Variants in IARS2 observed in about 807,000 individuals in gnomAD.
The protein encoded by IARS2 is isoleucyl-tRNA synthetase 2, mitochondrial, also known as isoleucine--tRNA ligase, mitochondrial.
IARS2 carries 56 observed loss-of-function variants against 126.3 expected under a neutral mutation model. That is an observed-to-expected ratio of 0.44 (90% confidence interval 0.36 to 0.55). The LOEUF (loss-of-function observed/expected upper bound fraction) is 0.55. Ranked by LOEUF, IARS2 falls within the 20% of genes least tolerant of loss-of-function variation. The pLI, the probability that IARS2 is intolerant of heterozygous loss-of-function variation, is 0.00. For synonymous variants in IARS2, 407 were observed against 441.1 expected, an observed-to-expected ratio of 0.92 and a Z score of 0.97; for missense variants, 1,127 against 1,245.9, an observed-to-expected ratio of 0.90 and a Z score of 1.44.
intron 22 of IARS2, 144 bp from the exon 23 acceptor site, chr1:220,147,349 G>A: frequency 1.4e-6 from 1 of 706,224 alleles, no homozygotes; most frequent in Non-Finnish European, 2.4e-6. Context: ...GGCTATATAT[G>A]TAATGGGACA....
intron 13 of IARS2, 48 bp from the exon 14 acceptor site, chr1:220,126,702 A>G (rs1657162563): frequency 2.2e-6 from 3 of 1,348,758 alleles, no homozygotes; most frequent in African/African-American, 1.4e-5. Flanking sequence ...TTTGTTGTCT[A>G]TATTGTGATC....
chr1:220,123,219 A>G (rs1439074651), intron 12 of IARS2, among the ~76,000 whole-genome samples: 1 of 152,094 alleles, frequency 6.6e-6, no homozygotes, highest in Non-Finnish European at 1.5e-5. Context: ...CTATTGTCAT[A>G]TAACTAGGTA....
chr1:220,124,127 T>C (rs1302952137), intron 12 of IARS2, among the ~76,000 whole-genome samples: 1 of 152,220 alleles, frequency 6.6e-6, no homozygotes, highest in African/African-American at 2.4e-5. Flanking sequence ...GGCCATTATA[T>C]GTACTGTGAC....
chr1:220,137,059 G>C, intron 16 of IARS2, 148 bp downstream of exon 16: 1 of 543,146 alleles, frequency 1.8e-6, no homozygotes, highest in Non-Finnish European at 3.2e-6. Flanking sequence ...GAAGGCAGAG[G>C]CTGGGATTGT....
chr1:220,135,565 G>A (rs1166580570), intron 15 of IARS2, among the ~76,000 whole-genome samples: 3 of 151,980 alleles, frequency 2.0e-5, no homozygotes, highest in Admixed American at 6.6e-5. Context: ...TCACCATGTT[G>A]GTGAGGCTGG....
chr1:220,136,574 C>T (rs1657378472), intron 15 of IARS2, among the ~76,000 whole-genome samples: 1 of 135,652 alleles, frequency 7.4e-6, no homozygotes, highest in African/African-American at 2.8e-5. Context: ...GCAGAGGTTG[C>T]AGTGAGCCGA....
intron 21 of IARS2, 131 bp downstream of exon 21, chr1:220,143,265 A>G (rs981221107): frequency 6.1e-6 from 3 of 495,854 alleles, no homozygotes; most frequent in East Asian, 3.1e-5. Context: ...CAATTATTCT[A>G]TTATGTTCCT....
In IARS2 at chr1:220,134,471, T is replaced by A; in HGVS notation, c.1907T>A (p.Leu636Ter). The A allele has an allele frequency of 6.2e-7, 1 of 1,613,600 alleles. No individual in the cohort carries two copies. Among genetic ancestry groups the A allele is most frequent in the Non-Finnish European group, 8.5e-7 (1 of 1,179,790 alleles). Residue 636 changes from leucine (L) to a stop codon, truncating the protein, a stop_gained, in exon 15 of 23, where the codon TTA becomes TAA. Coordinates refer to ENST00000366922, the MANE Select transcript of IARS2 (RefSeq NM_018060.4). LOFTEE classifies it high-confidence loss of function. Reference protein sequence around the residue: ...DQLGGWFQSSLLTSVAARKRA... With the variant: ...DQLGGWFQSS ...CTCGGGGGTTGGTTTCAGTCATCCT[T>A]ATTAACAAGTGTGGCAGCAAGGAAG... is the stretch of plus-strand genomic sequence containing the variant.
At chr1:220,107,239 T>C (rs1478365379) in intron 10 of IARS2, 88 bp downstream of exon 10, 3 of 780,444 alleles carry the variant, frequency 3.8e-6, no homozygotes, top group South Asian at 1.6e-5. Context: ...CCTTATACTT[T>C]AACAGAAACA....
chr1:220,117,425 C>A (rs1656948390), intron 12 of IARS2, among the ~76,000 whole-genome samples: 2 of 151,780 alleles, frequency 1.3e-5, no homozygotes. Flanking sequence ...GTCTCAAACT[C>A]CCGACCTCAA....
Position 220,100,664 on chromosome 1 carries a change from T to G in IARS2, c.550+15T>G, listed in dbSNP as rs756396499. 10 of 1,581,300 alleles carry G rather than the reference T, an allele frequency of 6.3e-6. No individual in the cohort carries two copies. In the South Asian group the frequency reaches 6.8e-5, roughly 11 times the overall value. On this transcript the variant is annotated intron_variant, in intron 3 of 22. Coordinates refer to ENST00000366922, the MANE Select transcript of IARS2 (RefSeq NM_018060.4). ...TAGAAAGAAAGGTAAATAATCTGTA[T>G]TTCTGTTTTAAAATGATATTTGTAA...
intron 11 of IARS2, among the ~76,000 whole-genome samples, chr1:220,112,038 T>C (rs1485962404): frequency 6.6e-6 from 1 of 152,056 alleles, no homozygotes; most frequent in African/African-American, 2.4e-5. Context: ...AATAGGATAA[T>C]GTATTGTCGT....
chr1:220,096,492 A>G (rs568292346), intron 2 of IARS2, among the ~76,000 whole-genome samples: 1 of 152,342 alleles, frequency 6.6e-6, no homozygotes, highest in East Asian at 1.9e-4. Context: ...TGGGAATAGC[A>G]GTGGACAAAA....
chr1:220,147,042 G>C (rs560220725), intron 22 of IARS2, among the ~76,000 whole-genome samples: 2 of 152,258 alleles, frequency 1.3e-5, no homozygotes, highest in East Asian at 3.9e-4. Context: ...TCAATCTGAG[G>C]TCTAAGAGTA....
chr1:220,119,856 T>C (rs1307951810), intron 12 of IARS2, among the ~76,000 whole-genome samples: 1 of 152,136 alleles, frequency 6.6e-6, no homozygotes, highest in East Asian at 1.9e-4. Context: ...ACATAACTTA[T>C]CCAGTGTTTG....
intron 12 of IARS2, among the ~76,000 whole-genome samples, chr1:220,124,463 T>C (rs761269759): frequency 6.6e-6 from 1 of 152,304 alleles, no homozygotes; most frequent in Non-Finnish European, 1.5e-5. Context: ...AGGGGAGGGA[T>C]CTTGTGTATT....
Position 220,102,267 on chromosome 1 carries a change from T to C in IARS2, c.689T>C (p.Met230Thr), listed in dbSNP as rs758922128. ...AAACAGTTGAGAACTTTTTACCAAA[T>C]GTATGATAAGGTAAAGAAGTATTTT... ...EAKQLRTFYQ[M>T]YDKGLVYRSY... The change falls in exon 4 of 23, where the codon ATG becomes ACG. Residue 230 changes from methionine (M) to threonine (T), a missense_variant. Met to Thr is a moderately conservative substitution (Grantham distance 81). Coordinates refer to ENST00000366922, the MANE Select transcript of IARS2 (RefSeq NM_018060.4). 4.4e-6 allele frequency: 7 copies of C among 1,607,616 alleles called. No individual in the cohort carries two copies. Among genetic ancestry groups the C allele is most frequent in the Non-Finnish European group, 1.7e-6 (2 of 1,178,514 alleles).
chr1:220,113,968 G>A (rs1656863718), intron 11 of IARS2, among the ~76,000 whole-genome samples: 3 of 152,118 alleles, frequency 2.0e-5, no homozygotes. Context: ...GTTTAGTGAA[G>A]TATAATAGTT....
intron 21 of IARS2, chr1:220,143,842 T>C (rs995170334): frequency 1.7e-6 from 1 of 582,908 alleles, no homozygotes. Flanking sequence ...GATTGGCTTA[T>C]AGCTTAACAT....
Sources: allele counts gnomAD v4.1 joint callset (sites outside exome capture counted in the v4.1 genomes callset), GRCh38; gene constraint gnomAD v4.1.1; transcripts MANE v1.5; gene names NCBI Gene and HGNC (gene_info 2026-07-23, HGNC 2026-07-21).